The following FSTL5 variants were observed in gnomAD, a reference collection of about 807,000 sequenced individuals.
The protein encoded by FSTL5 is follistatin-related protein 5.
A neutral mutation model predicts 89.1 loss-of-function variants in FSTL5; 62 were observed. The ratio of observed to expected loss-of-function variants is 0.70; its 90% confidence interval spans 0.57 to 0.86. The LOEUF (loss-of-function observed/expected upper bound fraction) is 0.86, where lower values mean the gene tolerates loss of function less well. FSTL5 is among the 40% of genes least tolerant of loss of function. FSTL5 has a pLI of 0.00. For synonymous variants in FSTL5, 383 were observed against 346.2 expected (o/e 1.11, Z -1.18); for missense variants, 1,057 against 1,001.6 (o/e 1.06, Z -0.75).
chr4:161,786,810 T>C (rs1741922262), intron 4 of FSTL5, among the ~76,000 whole-genome samples: 1 of 152,136 alleles, frequency 6.6e-6, no homozygotes, highest in Admixed American at 6.5e-5. Flanking sequence ...ATACTATGTA[T>C]TAAGAACCTC....
chr4:161,467,240 A>C (rs1733778633), intron 13 of FSTL5, among the ~76,000 whole-genome samples: 1 of 151,376 alleles, frequency 6.6e-6, no homozygotes, highest in Non-Finnish European at 1.5e-5. Flanking sequence ...GGAAATAATT[A>C]ACTAAATTTT....
chr4:162,098,109 C>T (rs2111374979), intron 2 of FSTL5, among the ~76,000 whole-genome samples: 1 of 152,048 alleles, frequency 6.6e-6, no homozygotes, highest in Non-Finnish European at 1.5e-5. Flanking sequence ...GTTATCTACA[C>T]TGGGTAGTAT....
intron 12 of FSTL5, among the ~76,000 whole-genome samples, chr4:161,486,249 T>C (rs1013638350): frequency 1.3e-5 from 2 of 152,076 alleles, no homozygotes; most frequent in Non-Finnish European, 1.5e-5. Context: ...GCTGGTATTA[T>C]GAAGAACACA....
At chr4:161,912,272 A>C (rs1184951694) in intron 4 of FSTL5, among the ~76,000 whole-genome samples, 1 of 152,206 alleles carries the variant, frequency 6.6e-6, no homozygotes, top group Non-Finnish European at 1.5e-5. Context: ...ATACTGAGAA[A>C]ATGAATATGG....
rs182930310 is a variant in FSTL5 at position 161,406,918 on chromosome 4, T to A, written c.1842-20469A>T. On this transcript the variant is annotated intron_variant, in intron 15 of 15. Coordinates refer to ENST00000306100, the MANE Select transcript of FSTL5 (RefSeq NM_020116.5). ...GCCTTTTTTAAGGTTCCAGAACAAGTACGTAACTGCCTATTACAGTGTTCA... is the reference window on the plus strand; with the variant it reads ...GCCTTTTTTAAGGTTCCAGAACAAGAACGTAACTGCCTATTACAGTGTTCA... Among the ~76,000 whole-genome samples, 266 of 152,296 alleles carry A rather than the reference T, an allele frequency of 1.7e-3. 1 individual carries two copies. The highest frequency in any genetic ancestry group is 6.2e-3 in the African/African-American group (257 of 41,574).
At chr4:161,519,474 C>T (rs1250702330) in intron 10 of FSTL5, among the ~76,000 whole-genome samples, 3 of 151,916 alleles carry the variant, frequency 2.0e-5, no homozygotes, top group Admixed American at 6.6e-5. Flanking sequence ...TGCAGTGAGC[C>T]GAGATCGCTC....
At chr4:161,756,790 C>G (rs1434254532) in intron 6 of FSTL5, among the ~76,000 whole-genome samples, 1 of 152,114 alleles carries the variant, frequency 6.6e-6, no homozygotes, top group African/African-American at 2.4e-5. Context: ...TCACATATTT[C>G]TATTGTTTCT....
intron 3 of FSTL5, among the ~76,000 whole-genome samples, chr4:162,031,529 T>G (rs944783488): frequency 1.3e-5 from 2 of 152,156 alleles, no homozygotes; most frequent in African/African-American, 4.8e-5. Context: ...TAATTTCTAG[T>G]AAAATAACAT....
intron 4 of FSTL5, among the ~76,000 whole-genome samples, chr4:161,795,450 G>A (rs1445200039): frequency 1.3e-5 from 2 of 152,046 alleles, no homozygotes; most frequent in Non-Finnish European, 2.9e-5. Context: ...TTCCTGAGCT[G>A]AATGAAATAA....
At chr4:161,849,596 TC>T (rs1245254299) in intron 4 of FSTL5, among the ~76,000 whole-genome samples, 8 of 152,078 alleles carry the variant, frequency 5.3e-5, no homozygotes, top group Admixed American at 5.3e-4. Flanking sequence ...ATTTTCCCTG[TC>T]TTTTTTGTTC....
intron 10 of FSTL5, among the ~76,000 whole-genome samples, chr4:161,522,272 T>G (rs927183013): frequency 1.3e-5 from 2 of 152,122 alleles, no homozygotes; most frequent in Non-Finnish European, 2.9e-5. Context: ...TCAGGCCAAG[T>G]AGCAGCAGTG....
At chr4:161,386,725 G>T (rs1730664207) in intron 15 of FSTL5, 5 of 359,136 alleles carry the variant, frequency 1.4e-5, no homozygotes, top group Non-Finnish European at 2.0e-5. Context: ...AACAAATTTT[G>T]CTTTTAACAT....
At chr4:161,975,836 C>G (rs986011858) in intron 3 of FSTL5, among the ~76,000 whole-genome samples, 1 of 150,912 alleles carries the variant, frequency 6.6e-6, no homozygotes, top group Non-Finnish European at 1.5e-5. Flanking sequence ...TCCAAGCAGG[C>G]TGGGCGCAGT....
At chr4:161,457,097 T>C (rs1342032241) in intron 14 of FSTL5, among the ~76,000 whole-genome samples, 1 of 152,192 alleles carries the variant, frequency 6.6e-6, no homozygotes, top group African/African-American at 2.4e-5. Context: ...GCATAAACAC[T>C]AACATGATCC....
At chr4:161,507,307 A>G (rs1206176332) in intron 11 of FSTL5, among the ~76,000 whole-genome samples, 1 of 151,900 alleles carries the variant, frequency 6.6e-6, no homozygotes, top group African/African-American at 2.4e-5. Context: ...ACTTTATTAA[A>G]TTATATTTAA....
intron 15 of FSTL5, among the ~76,000 whole-genome samples, chr4:161,414,344 A>T (rs1177960398): frequency 6.6e-6 from 1 of 152,172 alleles, no homozygotes; most frequent in East Asian, 1.9e-4. Flanking sequence ...GAAAAACCAT[A>T]ATCATCTGTA....
chr4:161,668,363 C>A (rs1736970530), intron 6 of FSTL5, among the ~76,000 whole-genome samples: 1 of 152,136 alleles, frequency 6.6e-6, no homozygotes, highest in Admixed American at 6.6e-5. Flanking sequence ...TGAAAGAAAT[C>A]ACATTACTTA....
At chr4:162,107,963 T>C (rs1208178317) in intron 2 of FSTL5, among the ~76,000 whole-genome samples, 1 of 152,158 alleles carries the variant, frequency 6.6e-6, no homozygotes, top group Non-Finnish European at 1.5e-5. Context: ...CAATAATTAA[T>C]GTATATGAAA....
chr4:161,904,862 A>G (rs1186585767), intron 4 of FSTL5, among the ~76,000 whole-genome samples: 2 of 151,958 alleles, frequency 1.3e-5, no homozygotes, highest in Non-Finnish European at 2.9e-5. Flanking sequence ...GTCTTTTGTT[A>G]TAATATTTGA....
Sources: gnomAD v4.1 joint callset for allele counts (sites outside exome capture counted in the v4.1 genomes callset) on GRCh38, gnomAD v4.1.1 for gene constraint, MANE v1.5 for transcripts, NCBI Gene and HGNC (gene_info 2026-07-23, HGNC 2026-07-21) for gene names.